Variants in MSANTD5 observed in about 807,000 individuals in gnomAD.
MSANTD5 encodes uncharacterized protein MSANTD5.
At chr5:178,701,969 G>A (rs990657948), upstream of MSANTD5, among the ~76,000 whole-genome samples, 1 of 150,796 alleles carries the variant, frequency 6.6e-6, no homozygotes, top group Admixed American at 6.6e-5. Context: ...CCGACCTCAG[G>A]TGATCCACCC....
upstream of MSANTD5, among the ~76,000 whole-genome samples, chr5:178,698,216 A>T (rs1765440061): frequency 1.3e-5 from 2 of 152,318 alleles, no homozygotes; most frequent in Non-Finnish European, 1.5e-5. Context: ...AGTTTAGGGT[A>T]GGGAAGAGAG....
At chr5:178,697,324 G>T (rs891982591) in intron 1 of MSANTD5, among the ~76,000 whole-genome samples, 1 of 151,654 alleles carries the variant, frequency 6.6e-6, no homozygotes, top group South Asian at 2.1e-4. Context: ...CGTGGTGGCG[G>T]GCGCCTGTAG....
downstream of MSANTD5, among the ~76,000 whole-genome samples, chr5:178,692,379 C>CAA (rs60186176): frequency 4.2e-5 from 5 of 118,658 alleles, no homozygotes; most frequent in African/African-American, 9.3e-5. Context: ...GACTCCATCT[C>CAA]AAAAAAAAAA....
chr5:178,703,924 T>A, the MSANTD5 span, among the ~76,000 whole-genome samples: 1 of 147,382 alleles, frequency 6.8e-6, no homozygotes, highest in Non-Finnish European at 1.5e-5. Context: ...GACGTTGCAG[T>A]GAGCCGAGAT....
upstream of MSANTD5, among the ~76,000 whole-genome samples, chr5:178,700,440 A>G (rs912800500): frequency 6.6e-6 from 1 of 152,194 alleles, no homozygotes; most frequent in African/African-American, 2.4e-5. Flanking sequence ...TCCTCTGGTT[A>G]TTCTAACGCT....
the MSANTD5 span, among the ~76,000 whole-genome samples, chr5:178,704,546 T>C: frequency 6.6e-6 from 1 of 152,192 alleles, no homozygotes; most frequent in Non-Finnish European, 1.5e-5. Context: ...TTTTATAACA[T>C]AGCCAGTTTG....
At chr5:178,692,711 A>G (rs1247049813), downstream of MSANTD5, among the ~76,000 whole-genome samples, 1 of 152,104 alleles carries the variant, frequency 6.6e-6, no homozygotes, top group East Asian at 1.9e-4. Context: ...TTCCATTTAT[A>G]TAACATTGTT....
upstream of MSANTD5, among the ~76,000 whole-genome samples, chr5:178,699,149 T>C (rs968459562): frequency 6.6e-6 from 1 of 152,106 alleles, no homozygotes; most frequent in African/African-American, 2.4e-5. Context: ...CAAATGTTAA[T>C]GAACACCGTC....
At chr5:178,695,991 C>G (rs1367505908) in intron 2 of MSANTD5, 106 bp downstream of exon 2, 1 of 152,174 alleles carries the variant, frequency 6.6e-6, no homozygotes, top group Non-Finnish European at 1.5e-5. Flanking sequence ...CTGGAATCCC[C>G]TGAGATGCCC....
the MSANTD5 span, among the ~76,000 whole-genome samples, chr5:178,703,340 A>G: frequency 3.3e-5 from 5 of 152,194 alleles, no homozygotes; most frequent in Non-Finnish European, 7.4e-5. Flanking sequence ...CACTCCCTTC[A>G]TAAGTGTGAG....
the MSANTD5 span, among the ~76,000 whole-genome samples, chr5:178,702,835 G>C: frequency 3.3e-5 from 5 of 152,172 alleles, no homozygotes; most frequent in South Asian, 1.0e-3. Context: ...CTGACCTCGT[G>C]ATCTGTCCGC....
At chr5:178,705,856 C>A in the MSANTD5 span, among the ~76,000 whole-genome samples, 1 of 152,086 alleles carries the variant, frequency 6.6e-6, no homozygotes, top group Non-Finnish European at 1.5e-5. Context: ...ACTCAGGAGG[C>A]TGAGGCAGGG....
At chr5:178,694,910 G>C (rs1330795166) in exon 4 of MSANTD5, 1 of 152,120 alleles carries the variant, frequency 6.6e-6, no homozygotes, top group Non-Finnish European at 1.5e-5. Context: ...GCGGGTGCTC[G>C]GGAGGTGCGA....
chr5:178,705,421 C>T, the MSANTD5 span, among the ~76,000 whole-genome samples: 2 of 152,134 alleles, frequency 1.3e-5, no homozygotes, highest in Non-Finnish European at 2.9e-5. Flanking sequence ...CAGGCACATC[C>T]TCTGCTCTCT....
upstream of MSANTD5, among the ~76,000 whole-genome samples, chr5:178,700,136 C>T (rs925463058): frequency 2.6e-5 from 4 of 152,162 alleles, no homozygotes; most frequent in African/African-American, 9.7e-5. Context: ...CTGCAGGCCC[C>T]CGTCGCCCTG....
intron 1 of MSANTD5, among the ~76,000 whole-genome samples, chr5:178,697,145 G>A (rs1362021288): frequency 2.0e-5 from 3 of 152,146 alleles, no homozygotes; most frequent in Non-Finnish European, 4.4e-5. Flanking sequence ...GCTGCCTGTG[G>A]CTGAACATAC....
chr5:178,702,301 CTTTTTTTTTTTT>C (rs372575693), upstream of MSANTD5, among the ~76,000 whole-genome samples: 260 of 133,394 alleles, frequency 1.9e-3, 2 homozygotes, highest in African/African-American at 6.5e-3. Flanking sequence ...CTTTTTTTTT[CTTTTTTTTTTTT>C]TTTTTGACAT....
At chr5:178,700,206 C>T (rs1765462144), upstream of MSANTD5, among the ~76,000 whole-genome samples, 1 of 152,162 alleles carries the variant, frequency 6.6e-6, no homozygotes, top group Non-Finnish European at 1.5e-5. Flanking sequence ...CCATGCTCTC[C>T]TCAACTTGGA....
the MSANTD5 span, among the ~76,000 whole-genome samples, chr5:178,703,975 C>T: frequency 3.5e-5 from 5 of 142,138 alleles, no homozygotes; most frequent in African/African-American, 5.3e-5. Flanking sequence ...AGCAAGACTC[C>T]GTCTCAAAAA....
Sources: gnomAD v4.1 joint callset for allele counts (sites outside exome capture counted in the v4.1 genomes callset) on GRCh38, gnomAD v4.1.1 for gene constraint, MANE v1.5 for transcripts, NCBI Gene and HGNC (gene_info 2026-07-23, HGNC 2026-07-21) for gene names.